Variants in ZC2HC1A observed in about 807,000 individuals in gnomAD.
The protein encoded by ZC2HC1A is zinc finger C2HC-type containing 1A.
A neutral mutation model predicts 40.7 loss-of-function variants in ZC2HC1A; 28 were observed. The observed-to-expected ratio is 0.69, with a 90% CI of 0.51 to 0.94. The LOEUF (loss-of-function observed/expected upper bound fraction) is 0.94, where lower values mean the gene tolerates loss of function less well. ZC2HC1A is among the 40% of genes least tolerant of loss of function. The probability of loss-of-function intolerance (pLI) is 0.00; values close to 1 mark genes in which losing one functional copy is unlikely to be tolerated. For missense variants in ZC2HC1A, 389 were observed against 386.3 expected, an observed-to-expected ratio of 1.01 and a Z score of -0.06; for synonymous variants, 129 against 129.2, an observed-to-expected ratio of 1.00 and a Z score of 0.01.
intron 7 of ZC2HC1A, among the ~76,000 whole-genome samples, 176 bp from the exon 8 acceptor site, chr8:78,715,045 G>T (rs1418753986): frequency 6.6e-6 from 1 of 151,908 alleles, no homozygotes; most frequent in East Asian, 1.9e-4. Flanking sequence ...AAATTATTTG[G>T]TTTATCTTTA....
At chr8:78,698,184 A>G (rs1443813125) in intron 6 of ZC2HC1A, among the ~76,000 whole-genome samples, 1 of 152,184 alleles carries the variant, frequency 6.6e-6, no homozygotes, top group African/African-American at 2.4e-5. Context: ...GATATTGACC[A>G]CTGACATGTA....
intron 2 of ZC2HC1A, among the ~76,000 whole-genome samples, chr8:78,677,975 T>C (rs545303716): frequency 1.3e-5 from 2 of 152,258 alleles, no homozygotes; most frequent in African/African-American, 4.8e-5. Flanking sequence ...CCATATAGGG[T>C]AACTTCCTGA....
intron 5 of ZC2HC1A, among the ~76,000 whole-genome samples, chr8:78,695,595 T>TA (rs568088519): frequency 1.8e-4 from 28 of 152,326 alleles, no homozygotes; most frequent in Admixed American, 6.5e-4. Flanking sequence ...AAATTTTTGT[T>TA]AGAGCTTGTT....
rs779326116 is a variant in ZC2HC1A at position 78,715,217 on chromosome 8, A to G, written c.705-4A>G. The G allele has an allele frequency of 6.2e-7, 1 of 1,610,462 alleles. No individual in the cohort carries two copies. Among genetic ancestry groups the G allele is most frequent in the Non-Finnish European group, 8.5e-7 (1 of 1,178,814 alleles). Reference sequence around the variant, plus strand: ...TTTTCCATTATTTTTCCTCTTTTTTATAGAGCTAATGTCAAACCCCGAAAT... The same window carrying G: ...TTTTCCATTATTTTTCCTCTTTTTTGTAGAGCTAATGTCAAACCCCGAAAT... On this transcript the variant is annotated splice_region_variant and splice_polypyrimidine_tract_variant and intron_variant, in intron 7 of 8. Transcript: ENST00000263849.
intron 5 of ZC2HC1A, among the ~76,000 whole-genome samples, chr8:78,693,237 G>GTA (rs945969153): frequency 3.9e-5 from 6 of 152,052 alleles, no homozygotes; most frequent in African/African-American, 1.5e-4. Flanking sequence ...AGTCCTTTGG[G>GTA]TATATACCCA....
chr8:78,684,755 A>G (rs532179801), intron 3 of ZC2HC1A, among the ~76,000 whole-genome samples: 2 of 152,332 alleles, frequency 1.3e-5, no homozygotes, highest in African/African-American at 4.8e-5. Context: ...GACCCTCTGC[A>G]AAAGAACAAC....
rs56023106 is a variant in ZC2HC1A, at chr8:78,707,931, C to G, written c.705-7290C>G. Among the ~76,000 whole-genome samples the G allele has an allele frequency of 3.2e-3, 476 of 150,866 alleles. 2 individuals carry two copies. The highest frequency in any genetic ancestry group is 0.011 in the African/African-American group (462 of 41,032). On this transcript the variant is annotated intron_variant, in intron 7 of 8. Coordinates refer to ENST00000263849, the MANE Select transcript of ZC2HC1A (RefSeq NM_016010.3). ...ATTGTAAGCTCCATGATGGCAAAGA[C>G]TATGTCTGCCTTGCTTCCATTTGTA...
At chr8:78,700,910 G>A (rs947626986) in intron 7 of ZC2HC1A, among the ~76,000 whole-genome samples, 5 of 152,078 alleles carry the variant, frequency 3.3e-5, no homozygotes, top group African/African-American at 1.2e-4. Flanking sequence ...TAGTATAGCT[G>A]GAAGTCAGGC....
At chr8:78,706,818 T>A (rs1391931773) in intron 7 of ZC2HC1A, among the ~76,000 whole-genome samples, 2 of 152,132 alleles carry the variant, frequency 1.3e-5, no homozygotes, top group Non-Finnish European at 2.9e-5. Flanking sequence ...TGCTTCTCAA[T>A]TCAGACTACA....
At chr8:78,680,286 CAAAAAAAAAAAAAAAAA>C (rs3070855) in intron 3 of ZC2HC1A, among the ~76,000 whole-genome samples, 2 of 88,150 alleles carry the variant, frequency 2.3e-5, no homozygotes, top group Admixed American at 1.3e-4. Context: ...GACTCCGTCT[CAAAAAAAAAAAAAAAAA>C]AAAAAAAAAA....
intron 3 of ZC2HC1A, among the ~76,000 whole-genome samples, 187 bp from the exon 4 acceptor site, chr8:78,686,280 G>A (rs116969346): frequency 0.013 from 2,047 of 152,156 alleles, 26 homozygotes; most frequent in South Asian, 0.031. Flanking sequence ...TTAAGAAATT[G>A]AATATAAAAT....
At chr8:78,697,872 G>A (rs1047180132) in intron 6 of ZC2HC1A, among the ~76,000 whole-genome samples, 22 of 152,018 alleles carry the variant, frequency 1.4e-4, no homozygotes, top group African/African-American at 5.1e-4. Context: ...TAGAGATGGG[G>A]TTTCACCAAG....
chr8:78,716,996 C>T (rs1000264177), intron 8 of ZC2HC1A, among the ~76,000 whole-genome samples: 18 of 151,724 alleles, frequency 1.2e-4, no homozygotes, highest in African/African-American at 3.9e-4. Flanking sequence ...TTCTGTACAG[C>T]CTGCAGAACT....
chr8:78,681,394 G>C (rs1809773732), intron 3 of ZC2HC1A, among the ~76,000 whole-genome samples: 1 of 152,182 alleles, frequency 6.6e-6, no homozygotes, highest in Non-Finnish European at 1.5e-5. Context: ...TAATCACAGA[G>C]CAGATGAATG....
At chr8:78,696,096 G>A (rs1005640092) in intron 5 of ZC2HC1A, among the ~76,000 whole-genome samples, 2 of 151,706 alleles carry the variant, frequency 1.3e-5, no homozygotes, top group Admixed American at 1.3e-4. Flanking sequence ...GTGCAGTGGC[G>A]TGATCTCGGC....
chr8:78,692,587 A>G (rs1306746842), intron 5 of ZC2HC1A, among the ~76,000 whole-genome samples: 1 of 152,034 alleles, frequency 6.6e-6, no homozygotes, highest in African/African-American at 2.4e-5. Context: ...AGCAGTAAGG[A>G]GGTCTAAGTG....
chr8:78,715,371 G>A (rs1811068647), intron 8 of ZC2HC1A, 43 bp downstream of exon 8: 2 of 1,514,692 alleles, frequency 1.3e-6, no homozygotes, highest in East Asian at 4.7e-5. Flanking sequence ...ATAAAATTGA[G>A]TATATGATAG....
chr8:78,669,967 C>CTTTTTT (rs371762916), intron 1 of ZC2HC1A, among the ~76,000 whole-genome samples: 4 of 123,028 alleles, frequency 3.3e-5, no homozygotes, highest in Admixed American at 8.6e-5. Context: ...TTCTTTCTTT[C>CTTTTTT]TTTCTTTTTT....
chr8:78,717,503 CAAAAA>C lies in ZC2HC1A; in HGVS notation c.*20_*24del. On this transcript the variant is annotated 3_prime_UTR_variant, in exon 9 of 9. Coordinates refer to ENST00000263849, the MANE Select transcript of ZC2HC1A (RefSeq NM_016010.3). Reference sequence around the variant, plus strand: ...AAGAATGATTCTATGAATAGAATCTCAAAAAAAAAAAAAAGCCAAGTTCAGAGTTT... The same window carrying C: ...AAGAATGATTCTATGAATAGAATCTCAAAAAAAAAGCCAAGTTCAGAGTTT... 1 of 1,256,618 alleles carries C rather than the reference CAAAAA, an allele frequency of 8.0e-7. No individual in the cohort carries two copies. The highest frequency in any genetic ancestry group is 2.0e-5 in the South Asian group (1 of 49,004). The allele number at this position is 1,256,618 out of a possible 1,614,324, so 77.8% of individuals were successfully genotyped here. A position where few individuals can be genotyped will look rare whatever the true frequency, so the allele number is the denominator to read the frequency against.
Sources: allele counts gnomAD v4.1 joint callset (sites outside exome capture counted in the v4.1 genomes callset), GRCh38; gene constraint gnomAD v4.1.1; transcripts MANE v1.5; gene names NCBI Gene and HGNC (gene_info 2026-07-23, HGNC 2026-07-21).